Variants in SLC46A1 observed in about 807,000 individuals in gnomAD.
SLC46A1 encodes solute carrier family 46 member 1.
SLC46A1 carries 17 observed loss-of-function variants against 32.1 expected under a neutral mutation model. The ratio of observed to expected loss-of-function variants is 0.53; its 90% CI spans 0.36 to 0.79. The LOEUF is 0.79. Ranked by LOEUF, SLC46A1 falls within the 30% of genes least tolerant of loss-of-function variation. The pLI, the probability that SLC46A1 is intolerant of heterozygous loss-of-function variation, is 0.00. For synonymous variants in SLC46A1, 240 were observed against 262.7 expected, an observed-to-expected ratio of 0.91 and a Z score of 0.84; for missense variants, 517 against 588.2, an observed-to-expected ratio of 0.88 and a Z score of 1.25.
At chr17:28,403,393 T>G (rs1389585385) in intron 2 of SLC46A1, 3 of 152,480 alleles carry the variant, frequency 2.0e-5, no homozygotes, top group African/African-American at 7.2e-5. Context: ...ACCATTTCTC[T>G]CCCTGTGCGA....
chr17:28,404,736 C>T lies in SLC46A1; in HGVS notation c.961G>A (p.Ala321Thr), dbSNP rs781823524. The T allele has an allele frequency of 6.2e-7, 1 of 1,614,002 alleles. No individual in the cohort carries two copies. Among genetic ancestry groups the T allele is most frequent in the Non-Finnish European group, 8.5e-7 (1 of 1,179,886 alleles). Residue 321 changes from alanine (A) to threonine (T), a missense_variant, in exon 2 of 5, where the codon GCC becomes ACC. Physicochemically the swap from Ala to Thr is moderately conservative, Grantham distance 58. Coordinates refer to ENST00000612814, the MANE Select transcript of SLC46A1 (RefSeq NM_080669.6). Reference protein sequence around the residue: ...QHLPYLTSLLALKLLQYCLAD... With the variant: ...QHLPYLTSLLTLKLLQYCLAD... ...AGGCAGTACTGCAGGAGCTTCAGGG[C>T]CAGCAGGCTGGTGAGGTAGGGGAGA...
intron 1 of SLC46A1, 33 bp downstream of exon 1, chr17:28,405,854 C>A: frequency 6.5e-7 from 1 of 1,537,968 alleles, no homozygotes; most frequent in Admixed American, 2.0e-5. Flanking sequence ...GACCAGGGCC[C>A]TCCACCTGCC....
Position 28,404,657 on chromosome 17 carries a change from A to G in SLC46A1, c.1040T>C (p.Val347Ala). ...CGTGATAGTGGCAAAGGCAAAGACC[A>G]CCATCCCCAGGATGTTGAAGGCCAG... is the stretch of plus-strand genomic sequence containing the variant. The part of the protein sequence containing the change: ...IGLAFNILGM[V>A]VFAFATITPL... The change falls in exon 2 of 5, where the codon GTG becomes GCG. Residue 347 changes from valine to alanine, a missense_variant. Transcript: ENST00000612814. The G allele has an allele frequency of 6.2e-7, 1 of 1,612,430 alleles. No individual in the cohort carries two copies. The highest frequency in any genetic ancestry group is 8.5e-7 in the Non-Finnish European group (1 of 1,178,632).
chr17:28,403,092 A>G (rs1555589990), intron 2 of SLC46A1: 1 of 152,308 alleles, frequency 6.6e-6, no homozygotes, highest in East Asian at 1.9e-4. Context: ...AGCTGGAAGA[A>G]ATGAGAAACA....
chr17:28,405,638 A>G, intron 1 of SLC46A1, 170 bp from the exon 2 acceptor site: 1 of 1,074,844 alleles, frequency 9.3e-7, no homozygotes, highest in Non-Finnish European at 1.3e-6. Flanking sequence ...AAGGACATGG[A>G]CCAAGGCCCC....
At chr17:28,400,427 G>C (rs939505362) in intron 4 of SLC46A1, 183 bp downstream of exon 4, 1 of 700,428 alleles carries the variant, frequency 1.4e-6, no homozygotes, top group Non-Finnish European at 2.3e-6. Flanking sequence ...TCGCCATCTC[G>C]CCCTTGGAAA....
chr17:28,397,422 C>G lies in SLC46A1; in HGVS notation c.*2234G>C, dbSNP rs1555588374. On this transcript the variant is annotated 3_prime_UTR_variant, in exon 5 of 5. Transcript: ENST00000612814. ...AGCCCTCACAAATCTTTGCCATTTC[C>G]CAAACACTCCGCTCCATGGTCTCCA... 1 of 152,140 alleles carries G rather than the reference C, an allele frequency of 6.6e-6. No homozygotes were observed. The highest frequency in any genetic ancestry group is 1.9e-4 in the East Asian group (1 of 5,196). The allele number at this position is 152,140 out of a possible 1,614,324, so 9.4% of individuals were successfully genotyped here. A position where few individuals can be genotyped will look rare whatever the true frequency, so the allele number is the denominator to read the frequency against.
upstream of SLC46A1, chr17:28,406,218 T>A: frequency 1.1e-6 from 1 of 870,680 alleles, no homozygotes; most frequent in Non-Finnish European, 1.5e-6. This position sits in a 1 kb window ranked among gnomAD's most constrained non-coding sequence, Gnocchi z 4.5. Flanking sequence ...TGTCTGCGCC[T>A]GCGCCCGGCG....
intron 3 of SLC46A1, 106 bp from the exon 4 acceptor site, chr17:28,400,872 T>G: frequency 2.0e-6 from 2 of 993,868 alleles, no homozygotes; most frequent in Non-Finnish European, 3.1e-6. Context: ...TTAACCTATG[T>G]CTCCCCTTCC....
rs896100493 is a variant in SLC46A1, at chr17:28,396,426, A to T, written c.*3230T>A. On this transcript the variant is annotated 3_prime_UTR_variant, in exon 5 of 5. Coordinates refer to ENST00000612814, the MANE Select transcript of SLC46A1 (RefSeq NM_080669.6). ...ATGGCTCTCCCTCCCCCTGTCCCCC[A>T]CCCTCATGGCCCACCTCCAACCCAC... 4 of 953,922 alleles carry T rather than the reference A, an allele frequency of 4.2e-6. No homozygotes were observed. The African/African-American group carries it at 6.6e-5, about 16-fold the overall frequency. 59.1% of individuals were successfully genotyped at this position (953,922 alleles called of 1,614,324 possible).
At chr17:28,405,763 A>G in intron 1 of SLC46A1, 124 bp downstream of exon 1, 1 of 1,149,666 alleles carries the variant, frequency 8.7e-7, no homozygotes, top group South Asian at 1.6e-5. Flanking sequence ...GGTCCCGCCC[A>G]CCATCCAAAA....
intron 1 of SLC46A1, 162 bp downstream of exon 1, chr17:28,405,725 G>T: frequency 1.0e-6 from 1 of 982,244 alleles, no homozygotes; most frequent in Non-Finnish European, 1.5e-6. Context: ...CCCACCCGCT[G>T]AGGTTCTCGG....
chr17:28,405,536 T>TTTGG, intron 1 of SLC46A1, 68 bp from the exon 2 acceptor site: 1 of 1,554,378 alleles, frequency 6.4e-7, no homozygotes, highest in Middle Eastern at 2.3e-4. Context: ...ATCCTCGCCA[T>TTTGG]CCCGGGAGCT....
chr17:28,405,854 C>T (rs778017329), intron 1 of SLC46A1, 33 bp downstream of exon 1: 35 of 1,537,968 alleles, frequency 2.3e-5, no homozygotes, highest in Non-Finnish European at 2.8e-5. Context: ...GACCAGGGCC[C>T]TCCACCTGCC....
Position 28,406,151 on chromosome 17 carries a change from G to A in SLC46A1, c.-37C>T. 1.5e-6 allele frequency: 2 copies of A among 1,333,250 alleles called. No individual in the cohort carries two copies. The highest frequency in any genetic ancestry group is 4.1e-5 in the Admixed American group (1 of 24,412). The allele number at this position is 1,333,250 out of a possible 1,614,324, so 82.6% of individuals were successfully genotyped here. A position where few individuals can be genotyped will look rare whatever the true frequency, so the allele number is the denominator to read the frequency against. On this transcript the variant is annotated 5_prime_UTR_variant, in exon 1 of 5. Coordinates refer to ENST00000612814, the MANE Select transcript of SLC46A1 (RefSeq NM_080669.6). This position sits in a 1 kb window ranked among gnomAD's most constrained non-coding sequence, Gnocchi z 4.5. ...GCGGAGCTGTCGCCAGGCGGGCGGC[G>A]GGGCGCGCGAGCGACTCGCTGCCTG...
In SLC46A1 at chr17:28,405,986, G is replaced by A; in HGVS notation, c.129C>T (p.Thr43=). The change falls in exon 1 of 5, where the codon ACC becomes ACT. Residue 43 remains threonine, a synonymous_variant. Coordinates refer to ENST00000612814, the MANE Select transcript of SLC46A1 (RefSeq NM_080669.6). The stretch of plus-strand genomic sequence containing the variant: ...TGAAGCGGTGCCACAGATACTGCGT[G>A]GTGAGCGGGCCCTGCAGGACCAAGG... The part of the protein sequence containing the change: ...NFALVLQGPL[T]TQYLWHRFSA... 1 of 1,611,528 alleles carries A rather than the reference G, an allele frequency of 6.2e-7. No homozygotes were observed. The highest frequency in any genetic ancestry group is 8.5e-7 in the Non-Finnish European group (1 of 1,179,270).
rs2068115746 is a variant in SLC46A1 at position 28,395,904 on chromosome 17, G to A, written c.*3752C>T. On this transcript the variant is annotated 3_prime_UTR_variant, in exon 5 of 5. Transcript: ENST00000612814. Reference sequence around the variant, plus strand: ...CTTCCTCCTTTCCTTTCTTTCTCCAGGAGATTGTGACTGCTTTAAGCTGCG... The same window carrying A: ...CTTCCTCCTTTCCTTTCTTTCTCCAAGAGATTGTGACTGCTTTAAGCTGCG... 6.2e-7 allele frequency: 1 copy of A among 1,613,774 alleles called. No individual in the cohort carries two copies. Among genetic ancestry groups the A allele is most frequent in the Non-Finnish European group, 8.5e-7 (1 of 1,179,894 alleles).
chr17:28,404,466 C>T, intron 2 of SLC46A1, 150 bp downstream of exon 2: 1 of 999,896 alleles, frequency 1.0e-6, no homozygotes, highest in East Asian at 2.6e-5. Context: ...TGAGGGATTT[C>T]TTAGTTGTCT....
chr17:28,400,093 C>CTA (rs1212966674), intron 4 of SLC46A1: 2 of 261,650 alleles, frequency 7.6e-6, no homozygotes, highest in African/African-American at 4.5e-5. Context: ...CAAGGTCTTG[C>CTA]TATGTTGCCC....
Sources: allele counts gnomAD v4.1 joint callset, GRCh38; gene constraint gnomAD v4.1.1; non-coding constraint Gnocchi (gnomAD v3.1); transcripts MANE v1.5; gene names NCBI Gene and HGNC (gene_info 2026-07-23, HGNC 2026-07-21).